The following SLC8A1 variants were observed in gnomAD, a reference collection of about 807,000 sequenced individuals.
SLC8A1 encodes solute carrier family 8 member A1.
SLC8A1 carries 18 observed loss-of-function variants against 68.3 expected under a neutral mutation model. That is an observed-to-expected ratio of 0.26 (90% confidence interval 0.18 to 0.39). SLC8A1 has a LOEUF of 0.39. Ranked by LOEUF, SLC8A1 falls within the 10% of genes least tolerant of loss-of-function variation. The pLI, the probability that SLC8A1 is intolerant of heterozygous loss-of-function variation, is 1.00. For synonymous variants in SLC8A1, 475 were observed against 415.5 expected, an observed-to-expected ratio of 1.14 and a Z score of -1.74; for missense variants, 985 against 1,156.7, an observed-to-expected ratio of 0.85 and a Z score of 2.15.
At chr2:40,285,738 C>T (rs2068200130) in intron 2 of SLC8A1, among the ~76,000 whole-genome samples, 1 of 152,118 alleles carries the variant, frequency 6.6e-6, no homozygotes, top group Non-Finnish European at 1.5e-5. Flanking sequence ...GTTCATTTCT[C>T]TTCACTAGTC....
chr2:40,192,738 C>CT (rs932843081), intron 2 of SLC8A1, among the ~76,000 whole-genome samples: 2 of 151,894 alleles, frequency 1.3e-5, no homozygotes, highest in African/African-American at 2.4e-5. Flanking sequence ...GTCCTGAATA[C>CT]TTTTTTTTAT....
intron 7 of SLC8A1, among the ~76,000 whole-genome samples, chr2:40,120,259 C>A (rs1353357544): frequency 6.6e-6 from 1 of 152,192 alleles, no homozygotes; most frequent in East Asian, 1.9e-4. Context: ...TGCCCAGGAA[C>A]TGACACTGGC....
chr2:40,446,043 G>A (rs78450031), intron 1 of SLC8A1, among the ~76,000 whole-genome samples: 3,469 of 152,270 alleles, frequency 0.023, 118 homozygotes, highest in African/African-American at 0.079. Flanking sequence ...GAGCTTTAAG[G>A]GAAAGCTGAA....
intron 6 of SLC8A1, among the ~76,000 whole-genome samples, chr2:40,142,815 T>C (rs1160256324): frequency 6.6e-6 from 1 of 152,178 alleles, no homozygotes; most frequent in Admixed American, 6.5e-5. Context: ...ATTGTTACTG[T>C]GTTTCTCCAT....
intron 2 of SLC8A1, among the ~76,000 whole-genome samples, chr2:40,224,868 G>A (rs1015385075): frequency 2.0e-5 from 3 of 152,112 alleles, no homozygotes; most frequent in Non-Finnish European, 4.4e-5. Context: ...ATCAAAAAGT[G>A]AGTGAAGGAT....
intron 2 of SLC8A1, among the ~76,000 whole-genome samples, chr2:40,417,838 C>T (rs995089226): frequency 2.0e-5 from 3 of 146,968 alleles, no homozygotes; most frequent in Non-Finnish European, 4.4e-5. Flanking sequence ...ATGAAGATAG[C>T]TGGAGTCAGG....
At chr2:40,447,356 C>T (rs1701632109) in intron 1 of SLC8A1, among the ~76,000 whole-genome samples, 1 of 152,034 alleles carries the variant, frequency 6.6e-6, no homozygotes, top group Non-Finnish European at 1.5e-5. Flanking sequence ...GCTCTAGAAG[C>T]CAAATTTTGG....
chr2:40,214,415 A>G (rs561429223), intron 2 of SLC8A1, among the ~76,000 whole-genome samples: 34 of 149,808 alleles, frequency 2.3e-4, no homozygotes, highest in African/African-American at 7.6e-4. Flanking sequence ...TGTTTAGCAG[A>G]TCATTTCTTT....
At chr2:40,341,448 T>C (rs769708596) in intron 2 of SLC8A1, among the ~76,000 whole-genome samples, 4 of 152,192 alleles carry the variant, frequency 2.6e-5, no homozygotes, top group African/African-American at 7.2e-5. Flanking sequence ...AATGAGATAG[T>C]AGTTCTGGGC....
intron 2 of SLC8A1, among the ~76,000 whole-genome samples, chr2:40,197,987 C>T (rs778014963): frequency 4.6e-5 from 7 of 151,786 alleles, no homozygotes; most frequent in South Asian, 2.1e-4. Flanking sequence ...CTCCCTATAG[C>T]GACAAAGTGA....
intron 1 of SLC8A1, among the ~76,000 whole-genome samples, chr2:40,466,300 C>A (rs1278036287): frequency 6.6e-6 from 1 of 152,026 alleles, no homozygotes; most frequent in Non-Finnish European, 1.5e-5. Flanking sequence ...AAGTCAATTT[C>A]AAAAATGAGG....
intron 2 of SLC8A1, among the ~76,000 whole-genome samples, chr2:40,262,255 C>T (rs903843859): frequency 3.3e-5 from 5 of 152,168 alleles, no homozygotes; most frequent in African/African-American, 4.8e-5. Context: ...GCCACCGCAC[C>T]CGGCCCTCTC....
chr2:40,174,882 C>T (rs1297148290), intron 3 of SLC8A1, 40 bp from the exon 5 acceptor site: 3 of 1,585,342 alleles, frequency 1.9e-6, no homozygotes, highest in Non-Finnish European at 2.6e-6. Context: ...TATAATTTGA[C>T]ACTCTACATA....
intron 2 of SLC8A1, among the ~76,000 whole-genome samples, chr2:40,240,070 G>A (rs1207689268): frequency 6.6e-6 from 1 of 152,168 alleles, no homozygotes; most frequent in African/African-American, 2.4e-5. Context: ...CATCTATGGA[G>A]CTTAGCTTAA....
chr2:40,239,855 A>T (rs1409861501), intron 2 of SLC8A1, among the ~76,000 whole-genome samples: 2 of 152,250 alleles, frequency 1.3e-5, no homozygotes, highest in African/African-American at 4.8e-5. Flanking sequence ...GTATCTCCTC[A>T]CTAAATATGT....
chr2:40,178,614 T>C, intron 2 of SLC8A1, 121 bp from the exon 3 acceptor site: 1 of 791,406 alleles, frequency 1.3e-6, no homozygotes, highest in East Asian at 2.6e-5. Flanking sequence ...TCGAGAAACT[T>C]CTGTACTGTG....
intron 1 of SLC8A1, among the ~76,000 whole-genome samples, chr2:40,443,330 A>T (rs1480926256): frequency 6.6e-6 from 1 of 152,172 alleles, no homozygotes; most frequent in African/African-American, 2.4e-5. Context: ...TGTGACTATA[A>T]AACTAAGTAA....
chr2:40,404,005 T>G (rs35946417), intron 2 of SLC8A1, among the ~76,000 whole-genome samples: 10,173 of 152,290 alleles, frequency 0.067, 455 homozygotes, highest in East Asian at 0.24. Context: ...GCAGATACAC[T>G]GGTATCTAAT....
intron 2 of SLC8A1, among the ~76,000 whole-genome samples, chr2:40,224,832 C>G (rs1574318607): frequency 1.3e-5 from 2 of 152,118 alleles, no homozygotes; most frequent in Non-Finnish European, 2.9e-5. Flanking sequence ...ACAACTTAAA[C>G]AAATTTACAA....
Sources: allele counts gnomAD v4.1 joint callset (sites outside exome capture counted in the v4.1 genomes callset), GRCh38; gene constraint gnomAD v4.1.1; transcripts MANE v1.5; gene names NCBI Gene and HGNC (gene_info 2026-07-23, HGNC 2026-07-21).